Variants in IRAK3 observed in about 807,000 individuals in gnomAD.
The protein encoded by IRAK3 is interleukin 1 receptor associated kinase 3.
In IRAK3, 57 loss-of-function variants were observed where a neutral mutation model predicts 56.6. The ratio of observed to expected loss-of-function variants is 1.01; its 90% CI spans 0.81 to 1.26. The LOEUF is 1.26. Among genes scored for constraint, IRAK3 ranks in the 50% most tolerant of loss-of-function variants. The pLI is 0.00. For synonymous variants in IRAK3, 258 were observed against 255.7 expected (o/e 1.01, Z -0.09); for missense variants, 703 against 719.0 (o/e 0.98, Z 0.25).
intron 8 of IRAK3, chr12:66,235,148 C>T: frequency 6.2e-7 from 1 of 1,613,528 alleles, no homozygotes; most frequent in Non-Finnish European, 8.5e-7. Flanking sequence ...GCTGCTGCTG[C>T]TACTGTTGTT....
chr12:66,197,131 T>G (rs1190743245), intron 1 of IRAK3: 8 of 1,295,186 alleles, frequency 6.2e-6, no homozygotes, highest in Non-Finnish European at 7.8e-6. Flanking sequence ...TTGGCTTATG[T>G]GACTCCAATA....
rs1268573926 is a variant in IRAK3 at position 66,245,556 on chromosome 12, G to A, written c.1314+294G>A. ...TTTTTTTTTTTTTTTTTTTTTTTTG[G>A]AGACAGAGTCTCACTCTGCTGCCCA... On this transcript the variant is annotated intron_variant, in intron 11 of 11. Coordinates refer to ENST00000261233, the MANE Select transcript of IRAK3 (RefSeq NM_007199.3). 5.9e-5 allele frequency among the ~76,000 whole-genome samples: 3 copies of A among 50,728 alleles called. No homozygotes were observed. The Admixed American group carries it at 6.6e-4, about 11-fold the overall frequency. The allele number at this position is 50,728 out of a possible 152,430, so 33.3% of individuals were successfully genotyped here. A position where few individuals can be genotyped will look rare whatever the true frequency, so the allele number is the denominator to read the frequency against.
At chr12:66,243,145 A>G (rs1252529027) in intron 8 of IRAK3, among the ~76,000 whole-genome samples, 2 of 152,192 alleles carry the variant, frequency 1.3e-5, no homozygotes, top group African/African-American at 4.8e-5. Flanking sequence ...CTGGACTAGA[A>G]TCTTTAAGGC....
At chr12:66,242,668 C>G (rs1311600147) in intron 8 of IRAK3, among the ~76,000 whole-genome samples, 1 of 152,192 alleles carries the variant, frequency 6.6e-6, no homozygotes, top group African/African-American at 2.4e-5. Context: ...GAGCACACAG[C>G]TGATAAGAGG....
intron 11 of IRAK3, among the ~76,000 whole-genome samples, chr12:66,245,862 T>C (rs1283739482): frequency 2.0e-5 from 3 of 152,128 alleles, no homozygotes; most frequent in Non-Finnish European, 4.4e-5. Context: ...ATCCATTTTT[T>C]TAAATTTATT....
At chr12:66,245,850 T>G (rs1175404741) in intron 11 of IRAK3, among the ~76,000 whole-genome samples, 1 of 152,118 alleles carries the variant, frequency 6.6e-6, no homozygotes, top group Non-Finnish European at 1.5e-5. Context: ...TATATTTTCC[T>G]TATCCATTTT....
At position 66,248,123 on chromosome 12, in the gene IRAK3, T is replaced by G. The variant is rs750104190; in HGVS notation, c.1743T>G (p.Cys581Trp). The G allele has an allele frequency of 6.2e-7, 1 of 1,612,146 alleles. No homozygotes were observed. The highest frequency in any genetic ancestry group is 8.5e-7 in the Non-Finnish European group (1 of 1,179,296). Reference protein sequence around the residue: ...SCRSRPVESSCSSKFSWDEYE... With the variant: ...SCRSRPVESSWSSKFSWDEYE... ...GGAGCAGGCCAGTGGAGAGCAGCTG[T>G]TCCTCCAAATTTTCCTGGGATGAAT... Residue 581 changes from cysteine to tryptophan, a missense_variant, in exon 12 of 12, where the codon TGT becomes TGG. Cys to Trp is a radical substitution (Grantham distance 215). Transcript: ENST00000261233.
intron 8 of IRAK3, among the ~76,000 whole-genome samples, chr12:66,240,760 G>C (rs959989125): frequency 6.6e-6 from 1 of 151,402 alleles, no homozygotes; most frequent in African/African-American, 2.4e-5. Flanking sequence ...TTTCCTGAGA[G>C]TTTCCAGGCA....
At chr12:66,204,897 T>C (rs1229198921) in intron 2 of IRAK3, among the ~76,000 whole-genome samples, 20 of 152,154 alleles carry the variant, frequency 1.3e-4, no homozygotes, top group Admixed American at 1.3e-3. Context: ...ATTATTGGGA[T>C]ATTAGTTCCT....
In IRAK3 at chr12:66,189,289, G is replaced by T; in HGVS notation, c.-11G>T. On this transcript the variant is annotated 5_prime_UTR_variant, in exon 1 of 12. Coordinates refer to ENST00000261233, the MANE Select transcript of IRAK3 (RefSeq NM_007199.3). ...ACTCCGCCTCGTCCCCGGGGCTCGG[G>T]CAGCCGAGCCATGGCGGGGAACTGT... The T allele has an allele frequency of 6.5e-7, 1 of 1,535,430 alleles. No homozygotes were observed. Among genetic ancestry groups the T allele is most frequent in the South Asian group, 1.2e-5 (1 of 84,202 alleles).
Position 66,211,576 on chromosome 12 carries a change from T to A in IRAK3, c.567T>A (p.Tyr189Ter), listed in dbSNP as rs780292204. The part of the protein sequence containing the change: ...VYRVEIQNLT[Y>*]AVKLFKQEKK... ...GAGTGGAGATTCAAAACCTAACATA[T>A]GCTGTCAAATTATTTAAACAGGTAT... The change falls in exon 5 of 12, where the codon TAT becomes TAA. Residue 189 changes from tyrosine (Y) to a stop codon, truncating the protein, a stop_gained. Coordinates refer to ENST00000261233, the MANE Select transcript of IRAK3 (RefSeq NM_007199.3). LOFTEE classifies it high-confidence loss of function. The A allele has an allele frequency of 4.3e-6, 7 of 1,611,846 alleles. No homozygotes were observed. The highest frequency in any genetic ancestry group is 1.7e-5 in the Admixed American group (1 of 60,014).
chr12:66,198,783 T>A (rs1269646779), intron 1 of IRAK3, among the ~76,000 whole-genome samples: 1 of 148,786 alleles, frequency 6.7e-6, no homozygotes, highest in African/African-American at 2.5e-5. Flanking sequence ...GGAGGCAGAG[T>A]CTCACTCTGT....
chr12:66,214,454 T>C lies in IRAK3; in HGVS notation c.589-2717T>C, dbSNP rs190844826. On this transcript the variant is annotated intron_variant, in intron 5 of 11. Coordinates refer to ENST00000261233, the MANE Select transcript of IRAK3 (RefSeq NM_007199.3). ...TACTCGAGAGGCTGAGGTGAGAGGA[T>C]TGCTTGAACCCAGGAGGCAGAGGTT... Among the ~76,000 whole-genome samples the C allele has an allele frequency of 2.2e-3, 342 of 152,010 alleles. 2 individuals carry two copies. The highest frequency in any genetic ancestry group is 8.1e-3 in the African/African-American group (337 of 41,438).
chr12:66,246,572 G>A (rs758742782), intron 11 of IRAK3, among the ~76,000 whole-genome samples: 6 of 152,324 alleles, frequency 3.9e-5, no homozygotes, highest in Admixed American at 6.5e-5. Flanking sequence ...GACATATATC[G>A]TGCAGGGACA....
At position 66,220,821 on chromosome 12, in the gene IRAK3, G is replaced by A. The variant is rs557259519; in HGVS notation, c.653+3586G>A. Among the ~76,000 whole-genome samples, 256 of 152,038 alleles carry A rather than the reference G, an allele frequency of 1.7e-3. 1 individual carries two copies. The highest frequency in any genetic ancestry group is 1.4e-3 in the Non-Finnish European group (94 of 67,966). The stretch of plus-strand genomic sequence containing the variant: ...AGGCGTGAGCCACCGCGCCCGGCCT[G>A]TTCTTCTTTCTTAAACTCACTTACT... On this transcript the variant is annotated intron_variant, in intron 6 of 11. Coordinates refer to ENST00000261233, the MANE Select transcript of IRAK3 (RefSeq NM_007199.3).
intron 9 of IRAK3, 131 bp from the exon 10 acceptor site, chr12:66,244,817 T>G (rs2053010818): frequency 9.5e-7 from 1 of 1,055,000 alleles, no homozygotes; most frequent in Admixed American, 1.9e-5. Flanking sequence ...TAATTTTGTG[T>G]AATCAAGCAA....
At position 66,235,109 on chromosome 12, in the gene IRAK3, G is replaced by A. The variant is rs564202851; in HGVS notation, c.887+6739G>A. ...AGGCAGTCCTCGGATATAGAGGTTCGTTTTGCTGAGCTGATCCCATCCTGA... is the reference window on the plus strand; with the variant it reads ...AGGCAGTCCTCGGATATAGAGGTTCATTTTGCTGAGCTGATCCCATCCTGA... On this transcript the variant is annotated intron_variant, in intron 8 of 11. Transcript: ENST00000261233. The A allele has an allele frequency of 1.2e-3, 1,855 of 1,606,950 alleles. 20 individuals are homozygous for A. In the African/African-American group the frequency reaches 0.022, roughly 19 times the overall value.
At position 66,251,246 on chromosome 12, in the gene IRAK3, AT is replaced by A. The variant is rs2136958404; in HGVS notation, c.*3076del. The A allele has an allele frequency of 6.6e-6, 1 of 152,256 alleles. No homozygotes were observed. The highest frequency in any genetic ancestry group is 2.1e-4 in the South Asian group (1 of 4,812). 9.4% of individuals were successfully genotyped at this position (152,256 alleles called of 1,614,324 possible). On this transcript the variant is annotated 3_prime_UTR_variant, in exon 12 of 12. Coordinates refer to ENST00000261233, the MANE Select transcript of IRAK3 (RefSeq NM_007199.3). Reference sequence around the variant, plus strand: ...TGCCACTGTGGCTGGGAAGTACCAAATCTTCTGTTGAGTGATTCAGTCTTCC... The same window carrying A: ...TGCCACTGTGGCTGGGAAGTACCAAACTTCTGTTGAGTGATTCAGTCTTCC...
At chr12:66,233,519 G>GGA (rs552232371) in intron 8 of IRAK3, among the ~76,000 whole-genome samples, 1 of 145,424 alleles carries the variant, frequency 6.9e-6, no homozygotes, top group African/African-American at 2.5e-5. Flanking sequence ...CTCCGTCTCG[G>GGA]AAAAAAAAAA....
Sources: gnomAD v4.1 joint callset for allele counts (sites outside exome capture counted in the v4.1 genomes callset) on GRCh38, gnomAD v4.1.1 for gene constraint, MANE v1.5 for transcripts, NCBI Gene and HGNC (gene_info 2026-07-23, HGNC 2026-07-21) for gene names.